The following TRHDE variants were observed in gnomAD, a reference collection of about 807,000 sequenced individuals.
The protein encoded by TRHDE is thyrotropin-releasing hormone-degrading ectoenzyme.
A neutral mutation model predicts 125.7 loss-of-function variants in TRHDE; 72 were observed. The ratio of observed to expected loss-of-function variants is 0.57; its 90% CI spans 0.47 to 0.70. The LOEUF (loss-of-function observed/expected upper bound fraction) is 0.70, where lower values mean the gene tolerates loss of function less well. Ranked by LOEUF, TRHDE falls within the 30% of genes least tolerant of loss-of-function variation. The pLI, the probability that TRHDE is intolerant of heterozygous loss-of-function variation, is 0.00. For missense variants in TRHDE, 1,110 were observed against 1,327.1 expected (o/e 0.84, Z 2.54); for synonymous variants, 509 against 509.1 (o/e 1.00, Z 0.00).
At chr12:72,325,408 CAAAT>C (rs1869292258) in intron 2 of TRHDE, among the ~76,000 whole-genome samples, 2 of 152,156 alleles carry the variant, frequency 1.3e-5, no homozygotes, top group Non-Finnish European at 2.9e-5. Context: ...GCCATTAAAA[CAAAT>C]GAACAGTTCT....
intron 15 of TRHDE, among the ~76,000 whole-genome samples, chr12:72,651,793 G>T (rs986560266): frequency 1.3e-5 from 2 of 151,608 alleles, no homozygotes; most frequent in Non-Finnish European, 2.9e-5. Context: ...TTATATTTTG[G>T]TATCTGTTTA....
At chr12:72,321,730 T>TA (rs1219723714) in intron 2 of TRHDE, among the ~76,000 whole-genome samples, 1 of 152,188 alleles carries the variant, frequency 6.6e-6, no homozygotes, top group African/African-American at 2.4e-5. Context: ...AGGTATACAT[T>TA]AAAATGCAAG....
chr12:72,302,904 C>T (rs146096009), intron 2 of TRHDE, among the ~76,000 whole-genome samples: 30 of 152,286 alleles, frequency 2.0e-4, no homozygotes, highest in African/African-American at 6.7e-4. Flanking sequence ...GGATATTTAG[C>T]AGCGTTCCTG....
chr12:72,590,714 C>T (rs1871636728), intron 12 of TRHDE, among the ~76,000 whole-genome samples: 1 of 152,100 alleles, frequency 6.6e-6, no homozygotes, highest in South Asian at 2.1e-4. Context: ...TGTATCTTTA[C>T]ACTCAAAATG....
chr12:72,512,668 AT>A (rs998141461), intron 6 of TRHDE, among the ~76,000 whole-genome samples: 2 of 144,728 alleles, frequency 1.4e-5, no homozygotes, highest in African/African-American at 5.0e-5. Context: ...TATAATATAA[AT>A]GGTAATATAG....
chr12:72,505,361 T>C (rs1169696850), intron 6 of TRHDE, among the ~76,000 whole-genome samples: 1 of 152,178 alleles, frequency 6.6e-6, no homozygotes, highest in Non-Finnish European at 1.5e-5. Flanking sequence ...ATACTGTCCA[T>C]AGACAGGAAG....
chr12:72,113,422 C>T (rs1197163784), intron 2 of TRHDE, among the ~76,000 whole-genome samples: 5 of 151,236 alleles, frequency 3.3e-5, no homozygotes, highest in African/African-American at 9.7e-5. Flanking sequence ...GTCAGGAGTT[C>T]GAGACCAGCC....
At chr12:72,386,596 AC>A (rs1210058311) in intron 3 of TRHDE, among the ~76,000 whole-genome samples, 2 of 152,140 alleles carry the variant, frequency 1.3e-5, no homozygotes, top group African/African-American at 4.8e-5. Flanking sequence ...CACTCCAGCT[AC>A]TGACCCATTT....
At chr12:72,207,432 T>A (rs1877690341) in intron 2 of TRHDE, among the ~76,000 whole-genome samples, 1 of 152,104 alleles carries the variant, frequency 6.6e-6, no homozygotes, top group African/African-American at 2.4e-5. Context: ...TTGGGTACCA[T>A]ATGTCAATAC....
In TRHDE at chr12:72,590,520, A is replaced by G. The variant is rs184307685; in HGVS notation, c.2321+14978A>G. On this transcript the variant is annotated intron_variant, in intron 12 of 18. Transcript: ENST00000261180. Reference sequence around the variant, plus strand: ...TTTATATATTTTTGTTAATGGGGTCACATACACATTTCTGTTTATCTCTGA... The same window carrying G: ...TTTATATATTTTTGTTAATGGGGTCGCATACACATTTCTGTTTATCTCTGA... Among the ~76,000 whole-genome samples the G allele has an allele frequency of 3.0e-3, 454 of 152,226 alleles. 1 individual carries two copies. The highest frequency in any genetic ancestry group is 4.9e-3 in the Non-Finnish European group (332 of 67,976).
intron 2 of TRHDE, among the ~76,000 whole-genome samples, chr12:72,247,164 T>A (rs557177461): frequency 6.6e-6 from 1 of 152,252 alleles, no homozygotes; most frequent in Admixed American, 6.5e-5. Flanking sequence ...TTAAAGCACA[T>A]CTAGATTACT....
intron 5 of TRHDE, among the ~76,000 whole-genome samples, chr12:72,491,007 AAAT>A (rs1877653638): frequency 6.6e-6 from 1 of 151,556 alleles, no homozygotes; most frequent in Non-Finnish European, 1.5e-5. Context: ...AAAAAAAAAA[AAAT>A]AGATAGCTGT....
intron 1 of TRHDE, among the ~76,000 whole-genome samples, chr12:72,285,705 G>C (rs1879859385): frequency 6.6e-6 from 1 of 151,890 alleles, no homozygotes; most frequent in Non-Finnish European, 1.5e-5. Flanking sequence ...ACTTTCAGTA[G>C]AGATGGGGTT....
chr12:72,438,252 A>G (rs1874835144), intron 3 of TRHDE, among the ~76,000 whole-genome samples: 1 of 151,736 alleles, frequency 6.6e-6, no homozygotes, highest in South Asian at 2.1e-4. Flanking sequence ...AGAGTGATAT[A>G]TCTTTGACCT....
intron 6 of TRHDE, among the ~76,000 whole-genome samples, chr12:72,503,896 A>C (rs1027366146): frequency 2.0e-5 from 3 of 152,176 alleles, no homozygotes; most frequent in Admixed American, 1.3e-4. Context: ...CCTTGTGTCC[A>C]CAGGGATGGG....
At chr12:72,413,051 T>C (rs1269791153) in intron 3 of TRHDE, among the ~76,000 whole-genome samples, 1 of 151,980 alleles carries the variant, frequency 6.6e-6, no homozygotes, top group African/African-American at 2.4e-5. Context: ...ATTTGGGAGG[T>C]TGCAACATAT....
intron 2 of TRHDE, among the ~76,000 whole-genome samples, chr12:72,126,344 TA>T (rs893390396): frequency 6.6e-6 from 1 of 151,748 alleles, no homozygotes; most frequent in African/African-American, 2.4e-5. Context: ...CTTCACAAAT[TA>T]AAAAAAACCC....
chr12:72,216,346 T>A, intron 2 of TRHDE, among the ~76,000 whole-genome samples: 1 of 152,154 alleles, frequency 6.6e-6, no homozygotes, highest in East Asian at 1.9e-4. Flanking sequence ...TCTTATGAAA[T>A]CCTTTTGGTA....
intron 2 of TRHDE, among the ~76,000 whole-genome samples, chr12:72,249,086 A>G (rs917348527): frequency 2.0e-5 from 3 of 152,218 alleles, no homozygotes; most frequent in Non-Finnish European, 2.9e-5. Flanking sequence ...TGATGTAACT[A>G]TAACACATCT....
Sources: gnomAD v4.1 joint callset for allele counts (sites outside exome capture counted in the v4.1 genomes callset) on GRCh38, gnomAD v4.1.1 for gene constraint, MANE v1.5 for transcripts, NCBI Gene and HGNC (gene_info 2026-07-23, HGNC 2026-07-21) for gene names.